Variants in MED13L observed in about 807,000 individuals in gnomAD.
The protein encoded by MED13L is mediator of RNA polymerase II transcription subunit 13-like.
A neutral mutation model predicts 220.9 loss-of-function variants in MED13L; 7 were observed. The ratio of observed to expected loss-of-function variants is 0.03; its 90% CI spans 0.02 to 0.06. The LOEUF (loss-of-function observed/expected upper bound fraction) is 0.06, where lower values mean the gene tolerates loss of function less well. MED13L is among the 10% of genes least tolerant of loss of function. The pLI, the probability that MED13L is intolerant of heterozygous loss-of-function variation, is 1.00. For synonymous variants in MED13L, 1,011 were observed against 1,015.2 expected (o/e 1.00, Z 0.08); for missense variants, 1,965 against 2,760.5 (o/e 0.71, Z 6.46).
Position 115,983,307 on chromosome 12 carries a change from A to G in MED13L, c.4765T>C (p.Ser1589Pro). ...ASGSSVPPVSSSASAPGISQI... is the reference protein window; with the variant it reads ...ASGSSVPPVSPSASAPGISQI... Reference sequence around the variant, plus strand: ...CTAATACCAGGAGCAGAGGCAGACGATGAGACCGGTGGCACAGAGGAACCA... The same window carrying G: ...CTAATACCAGGAGCAGAGGCAGACGGTGAGACCGGTGGCACAGAGGAACCA... Residue 1589 changes from serine to proline, a missense_variant, in exon 21 of 31, where the codon TCG becomes CCG. By Grantham distance (74) the Ser-to-Pro change is moderately conservative. Coordinates refer to ENST00000281928, the MANE Select transcript of MED13L (RefSeq NM_015335.5). The G allele has an allele frequency of 6.2e-7, 1 of 1,614,218 alleles. No homozygotes were observed.
At chr12:116,002,058 T>C (rs991568155) in intron 14 of MED13L, among the ~76,000 whole-genome samples, 1 of 152,242 alleles carries the variant, frequency 6.6e-6, no homozygotes, top group Non-Finnish European at 1.5e-5. Flanking sequence ...TCTTTTAATC[T>C]GTGAAGTTCC....
chr12:115,994,911 T>C (rs560157596), intron 16 of MED13L, among the ~76,000 whole-genome samples: 4 of 152,214 alleles, frequency 2.6e-5, no homozygotes, highest in Admixed American at 6.5e-5. Context: ...CGTTGAAGCA[T>C]TGTGGAAGTC....
intron 4 of MED13L, among the ~76,000 whole-genome samples, chr12:116,088,161 A>T (rs1014279685): frequency 4.0e-5 from 6 of 151,722 alleles, no homozygotes; most frequent in Non-Finnish European, 5.9e-5. Context: ...CTACCCCTCC[A>T]CCCCCCTTTT....
chr12:116,021,420 A>G (rs551450490), intron 5 of MED13L, among the ~76,000 whole-genome samples: 66 of 152,296 alleles, frequency 4.3e-4, no homozygotes, highest in African/African-American at 1.6e-3. Flanking sequence ...TATTTTAAAA[A>G]TTCTGATAAG....
intron 16 of MED13L, among the ~76,000 whole-genome samples, chr12:115,995,012 G>T (rs1475731246): frequency 6.6e-6 from 1 of 152,158 alleles, no homozygotes; most frequent in East Asian, 1.9e-4. Flanking sequence ...TTTTTGCAAG[G>T]CAGGAATTTC....
chr12:116,256,835 G>C (rs1352861468), intron 1 of MED13L, among the ~76,000 whole-genome samples: 1 of 151,766 alleles, frequency 6.6e-6, no homozygotes, highest in Non-Finnish European at 1.5e-5. Flanking sequence ...ACAGACGTGC[G>C]CCACCTCGCC....
chr12:116,166,435 C>A (rs566414032), intron 2 of MED13L, among the ~76,000 whole-genome samples: 1 of 152,148 alleles, frequency 6.6e-6, no homozygotes, highest in South Asian at 2.1e-4. Context: ...ACTAAAAATA[C>A]AAAAATTAGC....
intron 4 of MED13L, among the ~76,000 whole-genome samples, chr12:116,047,490 C>T (rs910474898): frequency 1.3e-5 from 2 of 152,194 alleles, no homozygotes; most frequent in African/African-American, 4.8e-5. Flanking sequence ...ATCCAATATG[C>T]ATACATCAGC....
intron 25 of MED13L, among the ~76,000 whole-genome samples, chr12:115,973,776 T>C (rs1422115794): frequency 6.6e-6 from 1 of 152,246 alleles, no homozygotes; most frequent in Non-Finnish European, 1.5e-5. Flanking sequence ...AGATTCATTA[T>C]GATATTCCTT....
chr12:116,019,172 A>C lies in MED13L; in HGVS notation c.1009+52T>G, dbSNP rs1566013580. The C allele has an allele frequency of 3.2e-6, 5 of 1,559,400 alleles. No individual in the cohort carries two copies. The East Asian group carries it at 6.8e-5, about 21-fold the overall frequency. On this transcript the variant is annotated intron_variant, in intron 7 of 30. Transcript: ENST00000281928. ...TCACCTGTTCCATGGCAGGTAGACTATACAATTGTCTGAGATCTCTTCTCC... is the reference window on the plus strand; with the variant it reads ...TCACCTGTTCCATGGCAGGTAGACTCTACAATTGTCTGAGATCTCTTCTCC...
At chr12:116,191,746 C>T (rs914648319) in intron 2 of MED13L, among the ~76,000 whole-genome samples, 9 of 151,800 alleles carry the variant, frequency 5.9e-5, no homozygotes, top group African/African-American at 1.7e-4. Context: ...TTTGGGAGGC[C>T]GAGATGGGAG....
At chr12:116,151,875 C>T (rs1878067328) in intron 2 of MED13L, among the ~76,000 whole-genome samples, 1 of 152,174 alleles carries the variant, frequency 6.6e-6, no homozygotes, top group African/African-American at 2.4e-5. Flanking sequence ...ACTCCCTATC[C>T]TTTCTCACCT....
intron 4 of MED13L, among the ~76,000 whole-genome samples, chr12:116,083,404 GAAAA>G (rs61301423): frequency 6.3e-5 from 5 of 79,360 alleles, no homozygotes; most frequent in Admixed American, 4.9e-4. Context: ...TGTCTCGAGG[GAAAA>G]AAAAAAAAAA....
At chr12:116,121,593 T>C (rs564628085) in intron 2 of MED13L, among the ~76,000 whole-genome samples, 1 of 152,282 alleles carries the variant, frequency 6.6e-6, no homozygotes, top group East Asian at 1.9e-4. Context: ...TTCAAGCTCA[T>C]GCTTTTAGAA....
intron 1 of MED13L, among the ~76,000 whole-genome samples, chr12:116,238,524 T>C (rs1317488124): frequency 1.3e-5 from 2 of 152,222 alleles, no homozygotes; most frequent in Admixed American, 1.3e-4. Flanking sequence ...CAGCTATATA[T>C]TGAAAACTAA....
intron 2 of MED13L, among the ~76,000 whole-genome samples, chr12:116,199,257 A>C (rs1327783747): frequency 6.6e-6 from 1 of 152,230 alleles, no homozygotes. Context: ...CTAGTCAGTC[A>C]GAGAAACACA....
rs370051342 is a variant in MED13L at position 116,035,430 on chromosome 12, T to C, written c.480-12829A>G. Among the ~76,000 whole-genome samples the C allele has an allele frequency of 7.9e-5, 12 of 152,176 alleles. No homozygotes were observed. The East Asian group carries it at 1.7e-3, about 22-fold the overall frequency. On this transcript the variant is annotated intron_variant, in intron 4 of 30. Transcript: ENST00000281928. Reference sequence around the variant, plus strand: ...TCTTTACAATTTCTATAAAGAATGGTTGCAACTCATGGAGCAAGGCAAGAG... The same window carrying C: ...TCTTTACAATTTCTATAAAGAATGGCTGCAACTCATGGAGCAAGGCAAGAG...
chr12:116,140,473 A>T (rs1379868260), intron 2 of MED13L, among the ~76,000 whole-genome samples: 1 of 152,236 alleles, frequency 6.6e-6, no homozygotes, highest in Non-Finnish European at 1.5e-5. Context: ...GATGTTTTAC[A>T]GATATGTACA....
At chr12:116,032,502 T>C (rs1880915480) in intron 4 of MED13L, among the ~76,000 whole-genome samples, 1 of 152,168 alleles carries the variant, frequency 6.6e-6, no homozygotes, top group Non-Finnish European at 1.5e-5. Context: ...AAATTGCCTA[T>C]TGCTCTCTCC....
Sources: gnomAD v4.1 joint callset for allele counts (sites outside exome capture counted in the v4.1 genomes callset) on GRCh38, gnomAD v4.1.1 for gene constraint, MANE v1.5 for transcripts, NCBI Gene and HGNC (gene_info 2026-07-23, HGNC 2026-07-21) for gene names.